The following CTNNBL1 variants were observed in gnomAD, a reference collection of about 807,000 sequenced individuals.
CTNNBL1 encodes beta-catenin-like protein 1.
Under a neutral mutation model 72.7 loss-of-function variants are expected in CTNNBL1, and 31 were observed. The observed-to-expected ratio is 0.43, with a 90% CI of 0.32 to 0.58. The LOEUF (loss-of-function observed/expected upper bound fraction) is 0.58. CTNNBL1 is among the 20% of genes least tolerant of loss of function. The pLI is 0.08. For missense variants in CTNNBL1, 534 were observed against 725.1 expected, an observed-to-expected ratio of 0.74 and a Z score of 3.03; for synonymous variants, 240 against 267.3, an observed-to-expected ratio of 0.90 and a Z score of 1.00.
At chr20:37,798,277 A>G (rs961571683) in intron 10 of CTNNBL1, among the ~76,000 whole-genome samples, 1 of 152,250 alleles carries the variant, frequency 6.6e-6, no homozygotes, top group Non-Finnish European at 1.5e-5. Context: ...AAGAAGAATA[A>G]GCTAATTAAA....
chr20:37,805,012 A>G, intron 11 of CTNNBL1, among the ~76,000 whole-genome samples: 1 of 152,242 alleles, frequency 6.6e-6, no homozygotes, highest in East Asian at 1.9e-4. Flanking sequence ...GTGAACTCCA[A>G]GGAGAAAGCA....
intron 4 of CTNNBL1, among the ~76,000 whole-genome samples, chr20:37,747,630 G>C (rs926368403): frequency 1.3e-5 from 2 of 152,086 alleles, no homozygotes; most frequent in Admixed American, 6.5e-5. Context: ...CCTGACTGAA[G>C]TGCAGTGGCA....
At chr20:37,719,179 G>T (rs2073018861) in intron 1 of CTNNBL1, among the ~76,000 whole-genome samples, 1 of 152,160 alleles carries the variant, frequency 6.6e-6, no homozygotes, top group Non-Finnish European at 1.5e-5. Flanking sequence ...ATTCTGCTTG[G>T]AGAATTTACC....
intron 1 of CTNNBL1, among the ~76,000 whole-genome samples, chr20:37,725,923 G>A (rs1298371871): frequency 6.6e-6 from 1 of 152,080 alleles, no homozygotes; most frequent in East Asian, 1.9e-4. Flanking sequence ...GGAGGAGATT[G>A]CAGTGAGCCG....
chr20:37,859,969 C>T lies in CTNNBL1; in HGVS notation c.1463C>T (p.Ala488Val), dbSNP rs1467718459. 10 of 1,614,040 alleles carry T rather than the reference C, an allele frequency of 6.2e-6. No individual in the cohort carries two copies. The highest frequency in any genetic ancestry group is 4.0e-5 in the African/African-American group (3 of 74,926). The change falls in exon 14 of 16, where the codon GCG (alanine) becomes GTG (valine). Residue 488 changes from alanine to valine, a missense_variant. Physicochemically the swap from Ala to Val is moderately conservative, Grantham distance 64 (BLOSUM62 0). Transcript: ENST00000361383. ...EEEFYLRRLDAGLFVLQHICY... is the reference protein window; with the variant it reads ...EEEFYLRRLDVGLFVLQHICY... ...GAGTTCTACCTCCGGCGCCTGGATGCGGGGCTCTTTGTTCTCCAGCACATC... is the reference window on the plus strand; with the variant it reads ...GAGTTCTACCTCCGGCGCCTGGATGTGGGGCTCTTTGTTCTCCAGCACATC...
intron 5 of CTNNBL1, among the ~76,000 whole-genome samples, chr20:37,760,576 CTT>C (rs1249137657): frequency 1.3e-5 from 2 of 152,202 alleles, no homozygotes; most frequent in African/African-American, 4.8e-5. Context: ...AGAGCAGTGA[CTT>C]TGTCATTTAC....
chr20:37,784,058 G>C lies in CTNNBL1; in HGVS notation c.1031+4723G>C, dbSNP rs184839339. Among the ~76,000 whole-genome samples the C allele has an allele frequency of 7.3e-4, 111 of 152,110 alleles. 1 individual carries two copies. Among genetic ancestry groups the C allele is most frequent in the African/African-American group, 2.6e-3 (110 of 41,516 alleles). On this transcript the variant is annotated intron_variant, in intron 10 of 15. Coordinates refer to ENST00000361383, the MANE Select transcript of CTNNBL1 (RefSeq NM_030877.5). ...GTTGGGTGCATATATATTTATAATT[G>C]TTATATTCTTTTGCTGAATGGGTCC...
At chr20:37,803,296 G>T (rs1190657678) in intron 11 of CTNNBL1, among the ~76,000 whole-genome samples, 1 of 152,158 alleles carries the variant, frequency 6.6e-6, no homozygotes, top group Admixed American at 6.5e-5. Context: ...ATAAGTCTGT[G>T]TGTGAGGGTT....
chr20:37,797,754 A>G (rs1302900505), intron 10 of CTNNBL1, among the ~76,000 whole-genome samples: 1 of 152,148 alleles, frequency 6.6e-6, no homozygotes, highest in East Asian at 1.9e-4. Flanking sequence ...TGTGGCAAGC[A>G]TAATCTTTCT....
At chr20:37,708,961 AC>A (rs1268897614) in intron 1 of CTNNBL1, among the ~76,000 whole-genome samples, 1 of 152,012 alleles carries the variant, frequency 6.6e-6, no homozygotes, top group East Asian at 1.9e-4. Flanking sequence ...ACATGGTGAA[AC>A]CCTGTCTCTA....
chr20:37,768,258 A>C (rs1252653043), intron 7 of CTNNBL1, among the ~76,000 whole-genome samples: 2 of 152,164 alleles, frequency 1.3e-5, no homozygotes, highest in Admixed American at 1.3e-4. Flanking sequence ...AAACGTTATA[A>C]ATACAAATTC....
At chr20:37,845,216 G>A (rs1487034982) in intron 13 of CTNNBL1, among the ~76,000 whole-genome samples, 1 of 152,212 alleles carries the variant, frequency 6.6e-6, no homozygotes, top group Non-Finnish European at 1.5e-5. Context: ...TATTTGAGGT[G>A]CAGCTTAGAC....
At chr20:37,694,239 C>G in intron 1 of CTNNBL1, 87 bp downstream of exon 1, 1 of 1,233,246 alleles carries the variant, frequency 8.1e-7, no homozygotes. Context: ...CACCTCCTCT[C>G]GCCTCACTCC....
rs187703418 is a variant in CTNNBL1, at chr20:37,742,256, T to A, written c.327-4212T>A. ...GTCATTGAATCAGCATAACTCTGTATTGTCCTCTTTTAAGTACCCTAAAAC... is the reference window on the plus strand; with the variant it reads ...GTCATTGAATCAGCATAACTCTGTAATGTCCTCTTTTAAGTACCCTAAAAC... On this transcript the variant is annotated intron_variant, in intron 3 of 15. Transcript: ENST00000361383. Among the ~76,000 whole-genome samples, 3 of 152,314 alleles carry A rather than the reference T, an allele frequency of 2.0e-5. No homozygotes were observed. The East Asian group carries it at 5.8e-4, about 29-fold the overall frequency.
chr20:37,726,808 C>T (rs138618702), intron 1 of CTNNBL1, among the ~76,000 whole-genome samples: 4 of 152,322 alleles, frequency 2.6e-5, no homozygotes, highest in African/African-American at 7.2e-5. Flanking sequence ...TATTTAGACA[C>T]ACACACATGC....
intron 1 of CTNNBL1, among the ~76,000 whole-genome samples, chr20:37,728,152 C>T (rs1179678176): frequency 6.6e-6 from 1 of 152,050 alleles, no homozygotes; most frequent in Non-Finnish European, 1.5e-5. Context: ...AGCCACTGGC[C>T]TCATATGGCT....
At chr20:37,831,470 A>G (rs1168106429) in intron 11 of CTNNBL1, among the ~76,000 whole-genome samples, 1 of 151,166 alleles carries the variant, frequency 6.6e-6, no homozygotes, top group Admixed American at 6.6e-5. Flanking sequence ...GGTTCACGCC[A>G]TTCTCCTGCC....
chr20:37,788,872 C>T (rs1298125609), intron 10 of CTNNBL1, among the ~76,000 whole-genome samples: 3 of 152,192 alleles, frequency 2.0e-5, no homozygotes, highest in Non-Finnish European at 4.4e-5. Flanking sequence ...AGCCCTCTCT[C>T]CTCTAGTTTT....
chr20:37,823,981 T>G (rs1432647015), intron 11 of CTNNBL1, among the ~76,000 whole-genome samples: 1 of 152,210 alleles, frequency 6.6e-6, no homozygotes, highest in African/African-American at 2.4e-5. Context: ...GATTTTTTTA[T>G]GTGTTTAGTT....
Sources: allele counts gnomAD v4.1 joint callset (sites outside exome capture counted in the v4.1 genomes callset), GRCh38; gene constraint gnomAD v4.1.1; transcripts MANE v1.5; gene names NCBI Gene and HGNC (gene_info 2026-07-23, HGNC 2026-07-21).